LEMD3: variants seen among roughly 807,000 people sequenced by gnomAD.
The protein encoded by LEMD3 is inner nuclear membrane protein Man1.
In LEMD3, 33 loss-of-function variants were observed where a neutral mutation model predicts 95.2. That is an observed-to-expected ratio of 0.35 (90% CI 0.26 to 0.46). The LOEUF (loss-of-function observed/expected upper bound fraction) is 0.46, where lower values mean the gene tolerates loss of function less well. Ranked by LOEUF, LEMD3 falls within the 20% of genes least tolerant of loss-of-function variation. The pLI is 1.00. For synonymous variants in LEMD3, 525 were observed against 474.6 expected (o/e 1.11, Z -1.38); for missense variants, 1,210 against 1,192.8 (o/e 1.01, Z -0.21).
chr12:65,219,929 A>G (rs1870233748), intron 4 of LEMD3, among the ~76,000 whole-genome samples: 1 of 152,138 alleles, frequency 6.6e-6, no homozygotes, highest in Non-Finnish European at 1.5e-5. Context: ...GTATACATAT[A>G]TTTTCTTTAT....
At chr12:65,231,294 T>G (rs996894804) in intron 4 of LEMD3, among the ~76,000 whole-genome samples, 7 of 152,162 alleles carry the variant, frequency 4.6e-5, no homozygotes, top group Non-Finnish European at 8.8e-5. Flanking sequence ...AGAGAGAGCT[T>G]TAAACAGGAT....
chr12:65,236,763 G>C (rs191295492), intron 4 of LEMD3, among the ~76,000 whole-genome samples: 1 of 151,872 alleles, frequency 6.6e-6, no homozygotes, highest in Non-Finnish European at 1.5e-5. Flanking sequence ...CATTAATAAG[G>C]TGTTGATTAA....
At chr12:65,225,848 G>A (rs540279015) in intron 4 of LEMD3, among the ~76,000 whole-genome samples, 63 of 152,308 alleles carry the variant, frequency 4.1e-4, no homozygotes, top group African/African-American at 1.4e-3. Context: ...CCAAAGTGCA[G>A]CGATTACAGG....
At chr12:65,202,383 T>C (rs1869628875) in intron 1 of LEMD3, among the ~76,000 whole-genome samples, 1 of 152,122 alleles carries the variant, frequency 6.6e-6, no homozygotes, top group South Asian at 2.1e-4. Context: ...ATTTTTTTTT[T>C]CTTTAGCCTG....
Position 65,241,320 on chromosome 12 carries a change from T to TCATTAA in LEMD3, c.2305+233_2305+234insCATTAA, listed in dbSNP as rs1870933448. On this transcript the variant is annotated intron_variant, in intron 9 of 12. Transcript: ENST00000308330. ...AGATGAATATTCCTTGAATCTTGCCTTTTTCACTTAATGAAGCAACTTAGT... is the reference window on the plus strand; with the variant it reads ...AGATGAATATTCCTTGAATCTTGCCTCATTAATTTTCACTTAATGAAGCAACTTAGT... 3.3e-5 allele frequency among the ~76,000 whole-genome samples: 5 copies of TCATTAA among 152,140 alleles called. No individual in the cohort carries two copies. In the South Asian group the frequency reaches 1.0e-3, roughly 32 times the overall value.
intron 1 of LEMD3, among the ~76,000 whole-genome samples, chr12:65,203,645 A>G (rs1869672938): frequency 6.6e-6 from 1 of 151,914 alleles, no homozygotes; most frequent in Non-Finnish European, 1.5e-5. Context: ...TTTGTTCATT[A>G]TATCCAGTTA....
chr12:65,198,735 A>G (rs1452212780), intron 1 of LEMD3, among the ~76,000 whole-genome samples: 2 of 152,198 alleles, frequency 1.3e-5, no homozygotes, highest in African/African-American at 2.4e-5. Context: ...GATTACTTAT[A>G]ATACCTAATA....
chr12:65,174,465 T>C (rs1283670818), intron 1 of LEMD3, among the ~76,000 whole-genome samples: 1 of 152,142 alleles, frequency 6.6e-6, no homozygotes, highest in Non-Finnish European at 1.5e-5. Flanking sequence ...ATGATCATTA[T>C]TAATTTTTTT....
chr12:65,242,872 C>T (rs544067111), intron 9 of LEMD3, among the ~76,000 whole-genome samples: 7 of 152,268 alleles, frequency 4.6e-5, no homozygotes, highest in African/African-American at 1.7e-4. Context: ...TTACTCTTAC[C>T]ATAATGCCCA....
At chr12:65,215,383 GC>G (rs553000322) in intron 2 of LEMD3, among the ~76,000 whole-genome samples, 199 of 152,078 alleles carry the variant, frequency 1.3e-3, no homozygotes, top group African/African-American at 4.4e-3. Flanking sequence ...TATGTTTTTT[GC>G]CCTTGAGTAC....
intron 4 of LEMD3, among the ~76,000 whole-genome samples, chr12:65,224,238 A>G (rs993479429): frequency 6.6e-6 from 1 of 152,178 alleles, no homozygotes; most frequent in Admixed American, 6.5e-5. Flanking sequence ...GCTAGGTAGC[A>G]TCCTTTCATT....
chr12:65,209,083 C>G (rs1869851488), intron 1 of LEMD3, among the ~76,000 whole-genome samples: 1 of 152,050 alleles, frequency 6.6e-6, no homozygotes, highest in African/African-American at 2.4e-5. Context: ...GCCGAGATAG[C>G]ACAACAAGCA....
intron 1 of LEMD3, among the ~76,000 whole-genome samples, chr12:65,190,593 T>G (rs1339039001): frequency 6.6e-6 from 1 of 152,142 alleles, no homozygotes; most frequent in African/African-American, 2.4e-5. Context: ...TTTCCCCATC[T>G]TCCAGATCGA....
chr12:65,196,997 A>G (rs1389310175), intron 1 of LEMD3, among the ~76,000 whole-genome samples: 1 of 152,202 alleles, frequency 6.6e-6, no homozygotes, highest in Non-Finnish European at 1.5e-5. Flanking sequence ...GCTCTGAAGC[A>G]TGTGGGCAGT....
intron 1 of LEMD3, among the ~76,000 whole-genome samples, chr12:65,174,950 A>G (rs1335843620): frequency 6.6e-6 from 1 of 152,180 alleles, no homozygotes; most frequent in Non-Finnish European, 1.5e-5. Flanking sequence ...TTGAACTGAG[A>G]TATGAATGAC....
intron 3 of LEMD3, among the ~76,000 whole-genome samples, chr12:65,217,427 T>G (rs1456769633): frequency 2.0e-5 from 3 of 152,242 alleles, no homozygotes; most frequent in Non-Finnish European, 4.4e-5. Context: ...GACTTGTTCA[T>G]CTGATAGGTA....
At chr12:65,187,560 G>GT (rs1250654519) in intron 1 of LEMD3, among the ~76,000 whole-genome samples, 2 of 151,388 alleles carry the variant, frequency 1.3e-5, no homozygotes, top group Non-Finnish European at 2.9e-5. Flanking sequence ...TCATGTATTT[G>GT]TTTTTTAAAT....
At position 65,170,992 on chromosome 12, in the gene LEMD3, G is replaced by A. The variant is rs755984431; in HGVS notation, c.1396G>A (p.Gly466Arg). 6 of 1,614,234 alleles carry A rather than the reference G, an allele frequency of 3.7e-6. No homozygotes were observed. In the South Asian group the frequency reaches 6.6e-5, roughly 18 times the overall value. ...TAAACGGGAGGAGGTGTCCCCAACA[G>A]GGAGTTTCAGTGCCCACTACTTGTC... is the stretch of plus-strand genomic sequence containing the variant. ...QFKREEVSPT[G>R]SFSAHYLSMF... The change falls in exon 1 of 13, where the codon GGG becomes AGG. Residue 466 changes from glycine to arginine, a missense_variant. By Grantham distance (125) the Gly-to-Arg change is moderately radical. This residue lies in a region of LEMD3 where 461 missense variants were observed against 569.8 expected (regional missense o/e 0.81). Coordinates refer to ENST00000308330, the MANE Select transcript of LEMD3 (RefSeq NM_014319.5).
Position 65,170,549 on chromosome 12 carries a change from T to C in LEMD3, c.953T>C (p.Met318Thr), listed in dbSNP as rs199902847. 57 of 1,614,096 alleles carry C rather than the reference T, an allele frequency of 3.5e-5. 1 individual carries two copies. In the Admixed American group the frequency reaches 7.8e-4, roughly 22 times the overall value. ...TSVQGGGGLAMNDRAAAAGSL... is the reference protein window; with the variant it reads ...TSVQGGGGLATNDRAAAAGSL... ...GTTCAGGGAGGGGGAGGACTCGCGA[T>C]GAATGACAGGGCGGCGGCTGCCGGG... The change falls in exon 1 of 13, where the codon ATG (methionine) becomes ACG (threonine). Residue 318 changes from methionine (M) to threonine (T), a missense_variant. By Grantham distance (81) the Met-to-Thr change is moderately conservative. Transcript: ENST00000308330.
Sources: allele counts gnomAD v4.1 joint callset (sites outside exome capture counted in the v4.1 genomes callset), GRCh38; gene constraint gnomAD v4.1.1; regional missense constraint gnomAD v4.1.1; transcripts MANE v1.5; gene names NCBI Gene and HGNC (gene_info 2026-07-23, HGNC 2026-07-21).